The following INPP5B variants were observed in gnomAD, a reference collection of about 807,000 sequenced individuals.
INPP5B encodes the protein type II inositol 1,4,5-trisphosphate 5-phosphatase.
A neutral mutation model predicts 118.5 loss-of-function variants in INPP5B; 90 were observed. The observed-to-expected ratio is 0.76, with a 90% CI of 0.64 to 0.90. The LOEUF is 0.90. Ranked by LOEUF, INPP5B falls within the 40% of genes least tolerant of loss-of-function variation. The pLI is 0.00. For synonymous variants in INPP5B, 385 were observed against 418.9 expected (o/e 0.92, Z 0.99); for missense variants, 984 against 1,125.6 (o/e 0.87, Z 1.80).
At chr1:37,932,776 A>C (rs1234737589) in intron 6 of INPP5B, among the ~76,000 whole-genome samples, 1 of 152,124 alleles carries the variant, frequency 6.6e-6, no homozygotes, top group Non-Finnish European at 1.5e-5. Context: ...GGGTTGGAGG[A>C]TTTCACCACC....
chr1:37,904,877 C>CA (rs78359312), intron 7 of INPP5B, among the ~76,000 whole-genome samples: 187 of 129,432 alleles, frequency 1.4e-3, no homozygotes, highest in East Asian at 3.9e-3. Flanking sequence ...AACTCCATCT[C>CA]AAAAAAAAAA....
chr1:37,902,162 T>C (rs1457865823), intron 7 of INPP5B, among the ~76,000 whole-genome samples: 1 of 152,028 alleles, frequency 6.6e-6, no homozygotes, highest in Non-Finnish European at 1.5e-5. Flanking sequence ...AATTTTTGTA[T>C]TTTTAGTAGA....
intron 7 of INPP5B, among the ~76,000 whole-genome samples, chr1:37,898,245 A>C (rs1644195921): frequency 6.6e-6 from 1 of 152,204 alleles, no homozygotes; most frequent in South Asian, 2.1e-4. Flanking sequence ...CGGTAAACAG[A>C]TCAATGGTTG....
At chr1:37,920,759 T>C (rs1002723992) in intron 7 of INPP5B, among the ~76,000 whole-genome samples, 12 of 151,128 alleles carry the variant, frequency 7.9e-5, no homozygotes, top group African/African-American at 2.7e-4. Context: ...ACCAGATGAG[T>C]GATCACAAGC....
chr1:37,915,890 A>G (rs1366315405), intron 7 of INPP5B, among the ~76,000 whole-genome samples: 1 of 152,224 alleles, frequency 6.6e-6, no homozygotes, highest in East Asian at 1.9e-4. Flanking sequence ...TGTGAATAAG[A>G]TAACAGTGTC....
chr1:37,890,156 C>T (rs918285619), intron 8 of INPP5B, among the ~76,000 whole-genome samples: 38 of 152,228 alleles, frequency 2.5e-4, no homozygotes, highest in African/African-American at 9.1e-4. Flanking sequence ...AGGCAACTCA[C>T]TTGAGGCCAG....
At chr1:37,890,372 G>A (rs1183200218) in intron 8 of INPP5B, among the ~76,000 whole-genome samples, 1 of 151,490 alleles carries the variant, frequency 6.6e-6, no homozygotes, top group Non-Finnish European at 1.5e-5. Flanking sequence ...GAAAAAAACT[G>A]TAAAACCCTC....
chr1:37,891,308 G>A (rs1360884376), intron 8 of INPP5B, 50 bp downstream of exon 8: 1 of 1,356,570 alleles, frequency 7.4e-7, no homozygotes, highest in Admixed American at 1.7e-5. Flanking sequence ...TCAGTACTGT[G>A]AGGAGAACCT....
In INPP5B at chr1:37,873,047, A is replaced by C; in HGVS notation, c.2070T>G (p.Asp690Glu). The C allele has an allele frequency of 1.2e-6, 2 of 1,614,172 alleles. No homozygotes were observed. Among genetic ancestry groups the C allele is most frequent in the South Asian group, 2.2e-5 (2 of 91,080 alleles). Reference protein sequence around the residue: ...ILVLHLDRGKDYFLSVSGNYL... With the variant: ...ILVLHLDRGKEYFLSVSGNYL... The stretch of plus-strand genomic sequence containing the variant: ...AGTTCCCAGACACAGACAAAAAGTA[A>C]TCCTTTCCCCTGTCCAAGTGCAGAA... The change falls in exon 19 of 24, where the codon GAT becomes GAG. Residue 690 changes from aspartate to glutamate, a missense_variant. Asp to Glu is a conservative substitution (Grantham distance 45). Transcript: ENST00000373024.
chr1:37,866,104 T>G (rs1012559670), intron 21 of INPP5B, among the ~76,000 whole-genome samples: 24 of 152,142 alleles, frequency 1.6e-4, no homozygotes, highest in African/African-American at 5.8e-4. Context: ...TTGTAAATTC[T>G]TAGCCTGGGC....
At chr1:37,913,345 A>G (rs1644763911) in intron 7 of INPP5B, among the ~76,000 whole-genome samples, 1 of 142,178 alleles carries the variant, frequency 7.0e-6, no homozygotes, top group African/African-American at 2.5e-5. Context: ...ATATGACAAC[A>G]TAAAAAAACT....
chr1:37,889,758 A>G (rs372278245), intron 8 of INPP5B, 34 bp from the exon 9 acceptor site: 1 of 1,507,940 alleles, frequency 6.6e-7, no homozygotes, highest in African/African-American at 1.4e-5. Flanking sequence ...TCATATGTGG[A>G]TGAGTCCCCA....
At chr1:37,883,114 T>C in intron 13 of INPP5B, 196 bp from the exon 14 acceptor site, 1 of 985,458 alleles carries the variant, frequency 1.0e-6, no homozygotes, top group Middle Eastern at 5.2e-4. Flanking sequence ...ATTATCTTGG[T>C]CCAAGTTCAT....
chr1:37,919,444 A>T (rs916575916), intron 7 of INPP5B, among the ~76,000 whole-genome samples: 1 of 152,030 alleles, frequency 6.6e-6, no homozygotes, highest in Non-Finnish European at 1.5e-5. Context: ...AGTAGGTTCA[A>T]TGTTTGCCAG....
intron 13 of INPP5B, 176 bp downstream of exon 13, chr1:37,885,462 T>G (rs950525171): frequency 1.1e-5 from 6 of 528,314 alleles, no homozygotes; most frequent in African/African-American, 1.9e-5. Flanking sequence ...ATCTGCCAGA[T>G]AGCAAGTTAG....
At chr1:37,898,673 C>G (rs577816641) in intron 7 of INPP5B, among the ~76,000 whole-genome samples, 1 of 147,780 alleles carries the variant, frequency 6.8e-6, no homozygotes, top group Admixed American at 6.8e-5. Flanking sequence ...CTGGCCTGGG[C>G]GAAAGGTGAG....
intron 7 of INPP5B, among the ~76,000 whole-genome samples, chr1:37,917,308 TTATA>T (rs368327131): frequency 0.017 from 1,562 of 92,782 alleles, 56 homozygotes; most frequent in African/African-American, 0.056. Flanking sequence ...AAAAAAATAA[TTATA>T]TATATATATA....
At chr1:37,871,155 CAAAA>C (rs34490677) in intron 19 of INPP5B, among the ~76,000 whole-genome samples, 1 of 48,886 alleles carries the variant, frequency 2.0e-5, no homozygotes, top group African/African-American at 8.5e-5. Flanking sequence ...AAGACTGTCT[CAAAA>C]AAAAAAAAAA....
chr1:37,922,611 G>T (rs1645096180), intron 7 of INPP5B, among the ~76,000 whole-genome samples: 1 of 152,140 alleles, frequency 6.6e-6, no homozygotes, highest in Non-Finnish European at 1.5e-5. Context: ...CAGAAGAATG[G>T]CATGAACCCA....
Sources: gnomAD v4.1 joint callset for allele counts (sites outside exome capture counted in the v4.1 genomes callset) on GRCh38, gnomAD v4.1.1 for gene constraint, MANE v1.5 for transcripts, NCBI Gene and HGNC (gene_info 2026-07-23, HGNC 2026-07-21) for gene names.